TBC1D1: variants seen among roughly 807,000 people sequenced by gnomAD.
TBC1D1 encodes the protein TBC1 domain family member 1.
In TBC1D1, 89 loss-of-function variants were observed where a neutral mutation model predicts 125.6. That is an observed-to-expected ratio of 0.71 (90% CI 0.60 to 0.85). TBC1D1 has a LOEUF of 0.85. Ranked by LOEUF, TBC1D1 falls within the 40% of genes least tolerant of loss-of-function variation. TBC1D1 has a pLI of 0.00. For missense variants in TBC1D1, 1,377 were observed against 1,469.2 expected (o/e 0.94, Z 1.03); for synonymous variants, 565 against 564.1 (o/e 1.00, Z -0.02).
rs1327790969 is a variant in TBC1D1, at chr4:37,995,495, C to T, written c.418-19014C>T. 7.3e-6 allele frequency: 2 copies of T among 272,728 alleles called. No homozygotes were observed. Among genetic ancestry groups the T allele is most frequent in the Non-Finnish European group, 1.5e-5 (2 of 135,110 alleles). 16.9% of individuals were successfully genotyped at this position (272,728 alleles called of 1,614,324 possible). On this transcript the variant is annotated intron_variant, in intron 2 of 19. Coordinates refer to ENST00000261439, the MANE Select transcript of TBC1D1 (RefSeq NM_015173.4). The surrounding 1 kb of genome is among the most constrained non-coding windows in gnomAD (Gnocchi z 4.3). ...TTTGTTTTCCTTCCAGCCCTGGGCT[C>T]AGTACACAGATGGTTTCTCTTCACC...
At chr4:38,012,740 G>C (rs1464300279) in intron 2 of TBC1D1, among the ~76,000 whole-genome samples, 2 of 152,150 alleles carry the variant, frequency 1.3e-5, no homozygotes, top group Non-Finnish European at 2.9e-5. Flanking sequence ...GTATAAAAGT[G>C]GGCTATAACC....
chr4:37,970,540 G>A (rs1731823019), intron 2 of TBC1D1, among the ~76,000 whole-genome samples: 1 of 152,174 alleles, frequency 6.6e-6, no homozygotes, highest in African/African-American at 2.4e-5. Flanking sequence ...AGGAAGCTGG[G>A]TTTTCCTTTG....
At chr4:37,972,056 A>G (rs1205713528) in intron 2 of TBC1D1, among the ~76,000 whole-genome samples, 1 of 152,042 alleles carries the variant, frequency 6.6e-6, no homozygotes, top group Non-Finnish European at 1.5e-5. Context: ...TCACTTGGCC[A>G]CCTTCCCATT....
chr4:38,059,188 A>G (rs1752305956), intron 12 of TBC1D1, among the ~76,000 whole-genome samples: 1 of 152,216 alleles, frequency 6.6e-6, no homozygotes, highest in Non-Finnish European at 1.5e-5. Flanking sequence ...CTCCAGGACA[A>G]ATATTCCCAA....
At chr4:37,997,589 T>C (rs991155851) in intron 2 of TBC1D1, among the ~76,000 whole-genome samples, 1 of 152,160 alleles carries the variant, frequency 6.6e-6, no homozygotes, top group Admixed American at 6.5e-5. Flanking sequence ...AAAATAACCT[T>C]TTTTATGATT....
chr4:37,979,619 G>T (rs1233522433), intron 2 of TBC1D1, among the ~76,000 whole-genome samples: 1 of 152,202 alleles, frequency 6.6e-6, no homozygotes, highest in African/African-American at 2.4e-5. Flanking sequence ...AGCTGCACAT[G>T]AGCACAGGCC....
chr4:38,121,787 T>C (rs2152600632), intron 17 of TBC1D1, among the ~76,000 whole-genome samples: 1 of 152,326 alleles, frequency 6.6e-6, no homozygotes, highest in South Asian at 2.1e-4. Context: ...ATAATTGGTT[T>C]GGGGCAGTGG....
chr4:38,018,522 T>C (rs1743303229), intron 4 of TBC1D1, 79 bp downstream of exon 4: 1 of 928,666 alleles, frequency 1.1e-6, no homozygotes, highest in African/African-American at 1.7e-5. Context: ...ATGTAACAAA[T>C]GCTAAAGGTT....
At chr4:37,951,439 C>A (rs1182505103) in intron 2 of TBC1D1, among the ~76,000 whole-genome samples, 1 of 152,132 alleles carries the variant, frequency 6.6e-6, no homozygotes, top group Non-Finnish European at 1.5e-5. Flanking sequence ...GCCTCAGAAT[C>A]TATAAACAAA....
chr4:37,938,859 C>T (rs1482638957), intron 2 of TBC1D1, among the ~76,000 whole-genome samples: 2 of 152,158 alleles, frequency 1.3e-5, no homozygotes, highest in African/African-American at 4.8e-5. Context: ...ATGAACTCAT[C>T]CTTTTGTATG....
intron 8 of TBC1D1, among the ~76,000 whole-genome samples, chr4:38,037,683 A>G (rs1747480821): frequency 6.6e-6 from 1 of 152,228 alleles, no homozygotes; most frequent in Admixed American, 6.5e-5. Context: ...GGCTTTGACA[A>G]AGAACTTCTC....
chr4:38,102,506 A>G (rs1413210066), intron 14 of TBC1D1, among the ~76,000 whole-genome samples: 3 of 151,918 alleles, frequency 2.0e-5, no homozygotes, highest in Non-Finnish European at 4.4e-5. Context: ...TGAGGGGAGA[A>G]TAGGGGGTGG....
chr4:38,027,407 G>A (rs1745273656), intron 6 of TBC1D1, among the ~76,000 whole-genome samples: 1 of 152,204 alleles, frequency 6.6e-6, no homozygotes, highest in Non-Finnish European at 1.5e-5. Flanking sequence ...CGTGTTGCTT[G>A]AGCTCAAGAG....
intron 2 of TBC1D1, among the ~76,000 whole-genome samples, chr4:37,964,050 G>A (rs770610854): frequency 6.6e-6 from 1 of 152,182 alleles, no homozygotes; most frequent in Non-Finnish European, 1.5e-5. Flanking sequence ...GTATGGGCCT[G>A]CTGGACCATA....
rs1191514311 is a variant in TBC1D1 at position 37,977,167 on chromosome 4, C to A, written c.418-37342C>A. 1 of 152,266 alleles carries A rather than the reference C, an allele frequency of 6.6e-6. No homozygotes were observed. Among genetic ancestry groups the A allele is most frequent in the African/African-American group, 2.4e-5 (1 of 41,448 alleles). The allele number at this position is 152,266 out of a possible 1,614,324, so 9.4% of individuals were successfully genotyped here. On this transcript the variant is annotated intron_variant, in intron 2 of 19. Coordinates refer to ENST00000261439, the MANE Select transcript of TBC1D1 (RefSeq NM_015173.4). The surrounding 1 kb of genome is among the most constrained non-coding windows in gnomAD (Gnocchi z 4.3). The stretch of plus-strand genomic sequence containing the variant: ...CCCTGGGCATCTCGGAAGGGGGCGA[C>A]CCCAGCATGTCCCAACTTCCCGCCA...
intron 2 of TBC1D1, among the ~76,000 whole-genome samples, chr4:37,920,882 G>C (rs1186815510): frequency 6.6e-6 from 1 of 152,064 alleles, no homozygotes; most frequent in Non-Finnish European, 1.5e-5. Flanking sequence ...AGGCCGAGGC[G>C]GGCCGATCAC....
intron 12 of TBC1D1, among the ~76,000 whole-genome samples, chr4:38,059,591 G>C (rs1752390822): frequency 6.6e-6 from 1 of 152,172 alleles, no homozygotes; most frequent in Non-Finnish European, 1.5e-5. Context: ...TGGGTTCTTA[G>C]GGTGAATGCC....
chr4:38,002,676 C>T (rs2040053664), intron 2 of TBC1D1, among the ~76,000 whole-genome samples: 1 of 152,216 alleles, frequency 6.6e-6, no homozygotes, highest in Non-Finnish European at 1.5e-5. Context: ...TAATCCTACT[C>T]TCTGGGAGCT....
chr4:37,988,081 GC>G (rs747918335), intron 2 of TBC1D1, among the ~76,000 whole-genome samples: 4 of 152,210 alleles, frequency 2.6e-5, no homozygotes, highest in African/African-American at 4.8e-5. Context: ...CCATCAGGTA[GC>G]CTTGTTTGGC....
Sources: allele counts gnomAD v4.1 joint callset (sites outside exome capture counted in the v4.1 genomes callset), GRCh38; gene constraint gnomAD v4.1.1; non-coding constraint Gnocchi (gnomAD v3.1); transcripts MANE v1.5; gene names NCBI Gene and HGNC (gene_info 2026-07-23, HGNC 2026-07-21).